EIF4G1: variants seen among roughly 807,000 people sequenced by gnomAD.
EIF4G1 encodes EIF4-gamma.
A neutral mutation model predicts 187.8 loss-of-function variants in EIF4G1; 4 were observed. The ratio of observed to expected loss-of-function variants is 0.02; its 90% CI spans 0.01 to 0.05. The LOEUF (loss-of-function observed/expected upper bound fraction) is 0.05, where lower values mean the gene tolerates loss of function less well. EIF4G1 is among the 10% of genes least tolerant of loss of function. EIF4G1 has a pLI of 1.00. For synonymous variants in EIF4G1, 844 were observed against 781.4 expected (o/e 1.08, Z -1.34); for missense variants, 1,647 against 2,081.1 (o/e 0.79, Z 4.06).
In EIF4G1 at chr3:184,323,087, A is replaced by G. The variant is rs750102836; in HGVS notation, c.1934A>G (p.Asn645Ser). ...HISDVVLDKA[N>S]KTPLRPLDPT... Reference sequence around the variant, plus strand: ...CTTTTCCTGTCCTCTTTGCAGGCCAATAAAACACCACTGCGGCCACTGGAT... The same window carrying G: ...CTTTTCCTGTCCTCTTTGCAGGCCAGTAAAACACCACTGCGGCCACTGGAT... The change falls in exon 14 of 33, where the codon AAT (asparagine) becomes AGT (serine). Residue 645 changes from asparagine (N) to serine (S), a missense_variant. Around this residue, in one of 11 missense-constraint regions of EIF4G1, gnomAD observed 140 missense variants for 222.2 expected, o/e 0.63. Coordinates refer to ENST00000346169, the MANE Select transcript of EIF4G1 (RefSeq NM_198241.3). The surrounding 1 kb of genome is among the most constrained non-coding windows in gnomAD (Gnocchi z 6.9). 8.7e-6 allele frequency: 14 copies of G among 1,614,068 alleles called. No homozygotes were observed. The highest frequency in any genetic ancestry group is 3.3e-5 in the South Asian group (3 of 91,090).
intron 9 of EIF4G1, 92 bp from the exon 10 acceptor site, chr3:184,321,190 T>G: frequency 8.3e-6 from 13 of 1,563,304 alleles, no homozygotes; most frequent in Non-Finnish European, 1.1e-5. Context: ...GCGGGGTTAT[T>G]AAGTTGGGAA....
chr3:184,325,989 T>G lies in EIF4G1; in HGVS notation c.3222+38T>G, dbSNP rs1273992454. 6.3e-7 allele frequency: 1 copy of G among 1,598,722 alleles called. No individual in the cohort carries two copies. The highest frequency in any genetic ancestry group is 1.3e-5 in the African/African-American group (1 of 74,510). ...GTGGGAGTGGGTGATTCAGCTCAGG[T>G]TTAGATCTTAGTCCCTTCACTTTTC... On this transcript the variant is annotated intron_variant, in intron 21 of 32. Transcript: ENST00000346169. The surrounding 1 kb of genome is among the most constrained non-coding windows in gnomAD (Gnocchi z 5.2).
intron 16 of EIF4G1, 112 bp downstream of exon 16, chr3:184,324,089 A>G (rs1724401924): frequency 6.2e-7 from 1 of 1,605,202 alleles, no homozygotes; most frequent in South Asian, 1.1e-5. Context: ...TTCCAGCTGG[A>G]AGGAGGCAGA....
rs759708504 is a variant in EIF4G1, at chr3:184,315,551, T to C, written c.-35+6T>C. On this transcript the variant is annotated splice_donor_region_variant and intron_variant, in intron 2 of 32. Transcript: ENST00000346169. ...ACTTGTTCTTAATCGAGGGGGTGAG[T>C]GAGGGGTCTGTTTCAGTAGGTCAGG... is the stretch of plus-strand genomic sequence containing the variant. 2 of 751,584 alleles carry C rather than the reference T, an allele frequency of 2.7e-6. No homozygotes were observed. The highest frequency in any genetic ancestry group is 1.4e-5 in the South Asian group (1 of 73,586). The allele number at this position is 751,584 out of a possible 1,614,324, so 46.6% of individuals were successfully genotyped here.
intron 6 of EIF4G1, chr3:184,319,182 G>A (rs1177712128): frequency 6.5e-6 from 1 of 154,090 alleles, no homozygotes; most frequent in Non-Finnish European, 1.4e-5. Flanking sequence ...ATGTTACTTT[G>A]TTTCTTTGCC....
At position 184,325,369 on chromosome 3, in the gene EIF4G1, G is replaced by A; in HGVS notation, c.2957G>A (p.Arg986Gln). 2 of 1,614,212 alleles carry A rather than the reference G, an allele frequency of 1.2e-6. No homozygotes were observed. Among genetic ancestry groups the A allele is most frequent in the Non-Finnish European group, 1.7e-6 (2 of 1,180,044 alleles). ...RFMLQDVLDL[R>Q]GSNWVPRRGD... ...ATGCTGCAGGACGTGCTGGATCTGCGAGGGGTGTGTGTCCCCCTCCTCCCC... is the reference window on the plus strand; with the variant it reads ...ATGCTGCAGGACGTGCTGGATCTGCAAGGGGTGTGTGTCCCCCTCCTCCCC... The change falls in exon 19 of 33, where the codon CGA becomes CAA. Residue 986 changes from arginine to glutamine, a missense_variant. By Grantham distance (43) the Arg-to-Gln change is conservative. This residue lies in a region of EIF4G1 where 142 missense variants were observed against 296.6 expected (regional missense o/e 0.48). Transcript: ENST00000346169. The surrounding 1 kb of genome is among the most constrained non-coding windows in gnomAD (Gnocchi z 5.2).
rs368467831 is a variant in EIF4G1, at chr3:184,331,905, G to A, written c.4478-41G>A. On this transcript the variant is annotated intron_variant, in intron 31 of 32. Transcript: ENST00000346169. ...CCTTGGCCTCCCAGTTCTGAACCGG[G>A]GTAAGGGTATATTGCTCCACTCATC... 13 of 1,613,974 alleles carry A rather than the reference G, an allele frequency of 8.1e-6. No homozygotes were observed. The South Asian group carries it at 1.2e-4, about 15-fold the overall frequency.
chr3:184,321,220 G>C (rs1723848886), intron 9 of EIF4G1, 62 bp from the exon 10 acceptor site: 1 of 1,603,288 alleles, frequency 6.2e-7, no homozygotes, highest in Admixed American at 1.7e-5. Flanking sequence ...TGGAGGATGG[G>C]GAGGAACAAC....
At chr3:184,320,195 G>A in intron 7 of EIF4G1, 1 of 1,101,214 alleles carries the variant, frequency 9.1e-7, no homozygotes, top group African/African-American at 1.6e-5. Context: ...CCTGGGCGTG[G>A]TGCCCAGAAT....
chr3:184,317,283 C>T lies in EIF4G1; in HGVS notation c.148-38C>T, dbSNP rs772052176. On this transcript the variant is annotated intron_variant, in intron 4 of 32. Transcript: ENST00000346169. ...GTGGCAATTTTTTGTCCACTTCCTTCTCTTTACAATGCCAACTGCTTTCCT... is the reference window on the plus strand; with the variant it reads ...GTGGCAATTTTTTGTCCACTTCCTTTTCTTTACAATGCCAACTGCTTTCCT... The T allele has an allele frequency of 5.0e-6, 8 of 1,612,478 alleles. No homozygotes were observed. In the East Asian group the frequency reaches 1.6e-4, roughly 31 times the overall value.
In EIF4G1 at chr3:184,323,888, A is replaced by G. The variant is rs370149362; in HGVS notation, c.2383A>G (p.Lys795Glu). Residue 795 changes from lysine to glutamate, a missense_variant, in exon 16 of 33, where the codon AAA becomes GAA. Around this residue, in one of 11 missense-constraint regions of EIF4G1, gnomAD observed 36 missense variants for 87.6 expected, o/e 0.41. Transcript: ENST00000346169. The surrounding 1 kb of genome is among the most constrained non-coding windows in gnomAD (Gnocchi z 6.9). ...GGCCATCGACACCGAGGAACGCCTCAAAGGGGTCATTGACCTCATTTTTGA... is the reference window on the plus strand; with the variant it reads ...GGCCATCGACACCGAGGAACGCCTCGAAGGGGTCATTGACCTCATTTTTGA... ...QLAIDTEERL[K>E]GVIDLIFEKA... 1.9e-5 allele frequency: 30 copies of G among 1,614,114 alleles called. No individual in the cohort carries two copies. Among genetic ancestry groups the G allele is most frequent in the Non-Finnish European group, 2.3e-5 (27 of 1,180,044 alleles).
Position 184,321,441 on chromosome 3 carries a change from C to T in EIF4G1, c.857C>T (p.Pro286Leu), listed in dbSNP as rs1480626315. The T allele has an allele frequency of 2.5e-6, 4 of 1,614,166 alleles. No homozygotes were observed. The highest frequency in any genetic ancestry group is 2.2e-5 in the East Asian group (1 of 44,878). ...CCTAATCTCGCAGTCCTCTCTATTC[C>T]TGGGGACACTATGACAACTATACAA... ...SEPNLAVLSI[P>L]GDTMTTIQMS... The change falls in exon 10 of 33, where the codon CCT (proline) becomes CTT (leucine). Residue 286 changes from proline to leucine, a missense_variant. Pro to Leu is a moderately conservative substitution (Grantham distance 98, BLOSUM62 -3). Coordinates refer to ENST00000346169, the MANE Select transcript of EIF4G1 (RefSeq NM_198241.3).
chr3:184,330,930 G>T (rs984582453), intron 28 of EIF4G1, among the ~76,000 whole-genome samples: 1 of 151,998 alleles, frequency 6.6e-6, no homozygotes, highest in Non-Finnish European at 1.5e-5. Context: ...TGTAGAGACG[G>T]GGTTTCACCA....
At chr3:184,320,024 G>A (rs1004278766) in intron 7 of EIF4G1, among the ~76,000 whole-genome samples, 1 of 152,196 alleles carries the variant, frequency 6.6e-6, no homozygotes, top group African/African-American at 2.4e-5. Flanking sequence ...AAGTTCCTGC[G>A]AGACCTGGGT....
chr3:184,320,187 T>A, intron 7 of EIF4G1: 1 of 1,018,542 alleles, frequency 9.8e-7, no homozygotes, highest in Non-Finnish European at 1.2e-6. Context: ...CCTCAAGCCC[T>A]GGGCGTGGTG....
chr3:184,331,603 A>G lies in EIF4G1; in HGVS notation c.4392A>G (p.Ile1464Met). The G allele has an allele frequency of 7.4e-7, 1 of 1,356,136 alleles. No individual in the cohort carries two copies. The highest frequency in any genetic ancestry group is 4.0e-5 in the East Asian group (1 of 25,128). 84.0% of individuals were successfully genotyped at this position (1,356,136 alleles called of 1,614,324 possible). Residue 1464 changes from isoleucine to methionine, a missense_variant, in exon 30 of 33, where the codon ATA becomes ATG. Physicochemically the swap from Ile to Met is conservative, Grantham distance 10. Transcript: ENST00000346169. ...GTAACCAGCGGGTGTTCGACTGGATAGAGGTAGGTTTCTCCTGGATATCGA... is the reference window on the plus strand; with the variant it reads ...GTAACCAGCGGGTGTTCGACTGGATGGAGGTAGGTTTCTCCTGGATATCGA... ...GSSNQRVFDWIEANLSEQQIV... is the reference protein window; with the variant it reads ...GSSNQRVFDWMEANLSEQQIV...
In EIF4G1 at chr3:184,317,451, A is replaced by G; in HGVS notation, c.278A>G (p.Gln93Arg). The G allele has an allele frequency of 1.2e-6, 2 of 1,613,996 alleles. No homozygotes were observed. Among genetic ancestry groups the G allele is most frequent in the Non-Finnish European group, 1.7e-6 (2 of 1,179,984 alleles). ...TCCCAAGTAATGATGATCCCTTCCC[A>G]GATCTCCTACCCAGCCTCCCAGGGG... ...AGSQVMMIPSQISYPASQGAY... is the reference protein window; with the variant it reads ...AGSQVMMIPSRISYPASQGAY... Residue 93 changes from glutamine (Q) to arginine (R), a missense_variant, in exon 5 of 33, where the codon CAG becomes CGG. Transcript: ENST00000346169.
Position 184,317,391 on chromosome 3 carries a change from G to A in EIF4G1, c.218G>A (p.Arg73His). 1 of 1,613,950 alleles carries A rather than the reference G, an allele frequency of 6.2e-7. No homozygotes were observed. The highest frequency in any genetic ancestry group is 8.5e-7 in the Non-Finnish European group (1 of 1,179,980). The change falls in exon 5 of 33, where the codon CGC becomes CAC. Residue 73 changes from arginine (R) to histidine (H), a missense_variant. Physicochemically the swap from Arg to His is conservative, Grantham distance 29. This residue lies in a region of EIF4G1 where 139 missense variants were observed against 187.3 expected (regional missense o/e 0.74). Transcript: ENST00000346169. ...ASRVQSAAPA[R>H]PGPAAHVYPA... is the part of the protein sequence containing the mutation. ...CGAGTGCAGAGTGCAGCCCCTGCCC[G>A]CCCTGGCCCAGCTGCCCATGTCTAC...
intron 22 of EIF4G1, 36 bp downstream of exon 22, chr3:184,326,665 G>T (rs760289022): frequency 6.9e-6 from 11 of 1,602,088 alleles, no homozygotes; most frequent in Non-Finnish European, 8.5e-6. Flanking sequence ...GTGGTTACCC[G>T]TCAGAGCTCC....
Sources: allele counts gnomAD v4.1 joint callset (sites outside exome capture counted in the v4.1 genomes callset), GRCh38; gene constraint gnomAD v4.1.1; regional missense constraint gnomAD v4.1.1; non-coding constraint Gnocchi (gnomAD v3.1); transcripts MANE v1.5; gene names NCBI Gene and HGNC (gene_info 2026-07-23, HGNC 2026-07-21).